Variants in MED1 observed in about 807,000 individuals in gnomAD.
MED1 encodes mediator complex subunit 1.
A neutral mutation model predicts 121.3 loss-of-function variants in MED1; 17 were observed. The ratio of observed to expected loss-of-function variants is 0.14; its 90% CI spans 0.10 to 0.21. MED1 has a LOEUF of 0.21. MED1 is among the 10% of genes least tolerant of loss of function. The pLI, the probability that MED1 is intolerant of heterozygous loss-of-function variation, is 1.00. For missense variants in MED1, 1,558 were observed against 1,919.4 expected (o/e 0.81, Z 3.52); for synonymous variants, 661 against 694.4 (o/e 0.95, Z 0.76).
intron 9 of MED1, among the ~76,000 whole-genome samples, chr17:39,429,548 T>A (rs1177225050): frequency 6.6e-6 from 1 of 150,852 alleles, no homozygotes; most frequent in African/African-American, 2.4e-5. Flanking sequence ...ATACAAAAAT[T>A]AGCTGGGCAC....
chr17:39,409,419 A>C lies in MED1; in HGVS notation c.2802T>G (p.Ile934Met), dbSNP rs375526544. 7 of 1,614,028 alleles carry C rather than the reference A, an allele frequency of 4.3e-6. No homozygotes were observed. The African/African-American group carries it at 9.3e-5, about 22-fold the overall frequency. The part of the protein sequence containing the change: ...NQADTVDFSI[I>M]SVAGKALAPA... ...GAGCTAAAGCTTTGCCGGCTACTGA[A>C]ATAATACTGAAATCAACTGTGTCGG... Residue 934 changes from isoleucine (I) to methionine (M), a missense_variant, in exon 17 of 17, where the codon ATT becomes ATG. This residue lies in a region of MED1 where 793 missense variants were observed against 898.2 expected (regional missense o/e 0.88). Coordinates refer to ENST00000300651, the MANE Select transcript of MED1 (RefSeq NM_004774.4).
intron 14 of MED1, among the ~76,000 whole-genome samples, chr17:39,416,479 T>C (rs941973325): frequency 2.6e-5 from 4 of 152,224 alleles, no homozygotes; most frequent in African/African-American, 9.6e-5. Flanking sequence ...AAGGATCATA[T>C]ACTTTCTTTG....
chr17:39,440,415 T>C lies in MED1; in HGVS notation c.370A>G (p.Lys124Glu), dbSNP rs749093177. The change falls in exon 5 of 17, where the codon AAA becomes GAA. Residue 124 changes from lysine (K) to glutamate (E), a missense_variant. Around this residue, in one of 5 missense-constraint regions of MED1, gnomAD observed 443 missense variants for 532.4 expected, o/e 0.83. Coordinates refer to ENST00000300651, the MANE Select transcript of MED1 (RefSeq NM_004774.4). The surrounding 1 kb of genome is among the most constrained non-coding windows in gnomAD (Gnocchi z 4.1). ...GGATTCTCCCCATGGTGAGCCACTT[T>C]TACATCACAAAGCTGTCCTGCAGGA... is the stretch of plus-strand genomic sequence containing the variant. ...LDPAGQLCDV[K>E]VAHHGENPVS... 1.3e-6 allele frequency: 2 copies of C among 1,575,772 alleles called. No homozygotes were observed. Among genetic ancestry groups the C allele is most frequent in the South Asian group, 1.2e-5 (1 of 83,824 alleles).
In MED1 at chr17:39,406,663, C is replaced by T; in HGVS notation, c.*812G>A. The T allele has an allele frequency of 1.0e-6, 1 of 984,802 alleles. No individual in the cohort carries two copies. The allele number at this position is 984,802 out of a possible 1,614,324, so 61.0% of individuals were successfully genotyped here. ...ATCTCTGAACCCTATTTAAACCCTC[C>T]TAAAATAAAAATATCATTTTGGTTT... On this transcript the variant is annotated 3_prime_UTR_variant, in exon 17 of 17. Transcript: ENST00000300651.
intron 6 of MED1, among the ~76,000 whole-genome samples, chr17:39,436,235 C>T (rs2048617360): frequency 6.6e-6 from 1 of 151,838 alleles, no homozygotes; most frequent in Admixed American, 6.6e-5. Flanking sequence ...GTGGCAGGTG[C>T]CTGTAGTCCC....
intron 2 of MED1, chr17:39,445,432 G>C (rs561710591): frequency 6.6e-6 from 1 of 151,900 alleles, no homozygotes; most frequent in Admixed American, 6.6e-5. Context: ...GCCTGGTCTC[G>C]AACTCCTGAC....
Position 39,410,276 on chromosome 17 carries a change from G to A in MED1, c.1945C>T (p.Leu649Phe), listed in dbSNP as rs1348295902. The A allele has an allele frequency of 6.2e-7, 1 of 1,614,002 alleles. No homozygotes were observed. Among genetic ancestry groups the A allele is most frequent in the South Asian group, 1.1e-5 (1 of 91,040 alleles). Reference protein sequence around the residue: ...TKNHPMLMNLLKDNPAQDFST... With the variant: ...TKNHPMLMNLFKDNPAQDFST... Reference sequence around the variant, plus strand: ...AAATCCTGGGCAGGATTATCTTTAAGAAGGTTCATGAGCATCGGGTGGTTC... The same window carrying A: ...AAATCCTGGGCAGGATTATCTTTAAAAAGGTTCATGAGCATCGGGTGGTTC... Residue 649 changes from leucine (L) to phenylalanine (F), a missense_variant, in exon 17 of 17, where the codon CTT (leucine) becomes TTT (phenylalanine). By Grantham distance (22) the Leu-to-Phe change is conservative. Transcript: ENST00000300651.
At position 39,420,940 on chromosome 17, in the gene MED1, C is replaced by T. The variant is rs570302811; in HGVS notation, c.1096-1022G>A. ...CCTCCCAAGTAGCTGGGACTACAGGCGCCCGCCACCACACCCAGCTAATTT... is the reference window on the plus strand; with the variant it reads ...CCTCCCAAGTAGCTGGGACTACAGGTGCCCGCCACCACACCCAGCTAATTT... On this transcript the variant is annotated intron_variant, in intron 13 of 16. Coordinates refer to ENST00000300651, the MANE Select transcript of MED1 (RefSeq NM_004774.4). Among the ~76,000 whole-genome samples the T allele has an allele frequency of 5.9e-5, 9 of 151,496 alleles. No homozygotes were observed. The South Asian group carries it at 6.3e-4, about 11-fold the overall frequency.
chr17:39,413,746 A>G (rs1446565552), intron 16 of MED1, among the ~76,000 whole-genome samples: 1 of 152,070 alleles, frequency 6.6e-6, no homozygotes, highest in Non-Finnish European at 1.5e-5. Context: ...AAATAAAAAA[A>G]TAAAAGAATA....
At chr17:39,420,002 C>A in intron 13 of MED1, 84 bp from the exon 14 acceptor site, 2 of 1,181,520 alleles carry the variant, frequency 1.7e-6, no homozygotes, top group Admixed American at 2.3e-5. Context: ...ACCTACTACT[C>A]AAAAAAGTGC....
In MED1 at chr17:39,442,999, T is replaced by A. The variant is rs868348003; in HGVS notation, c.211+551A>T. ...AAAAAAAACTTTTCCCAGGTATCTTTTTTTTTTTTTTTTTTTTTTTTGAGA... is the reference window on the plus strand; with the variant it reads ...AAAAAAAACTTTTCCCAGGTATCTTATTTTTTTTTTTTTTTTTTTTTGAGA... On this transcript the variant is annotated intron_variant, in intron 3 of 16. Transcript: ENST00000300651. 4.1e-3 allele frequency among the ~76,000 whole-genome samples: 573 copies of A among 140,682 alleles called. 7 individuals carry two copies. Among genetic ancestry groups the A allele is most frequent in the African/African-American group, 0.014 (539 of 37,866 alleles). 92.3% of individuals were successfully genotyped at this position (140,682 alleles called of 152,430 possible). A position where few individuals can be genotyped will look rare whatever the true frequency, so the allele number is the denominator to read the frequency against.
At chr17:39,419,627 T>C in intron 14 of MED1, 90 bp downstream of exon 14, 1 of 1,346,280 alleles carries the variant, frequency 7.4e-7, no homozygotes, top group Non-Finnish European at 1.0e-6. Context: ...TTTTAAGTTC[T>C]ACAGGTGATT....
chr17:39,421,913 G>A (rs535949882), intron 13 of MED1, among the ~76,000 whole-genome samples: 1 of 151,884 alleles, frequency 6.6e-6, no homozygotes, highest in South Asian at 2.1e-4. Flanking sequence ...CGGATCACGA[G>A]GTCAGGAGAT....
rs576715504 is a variant in MED1 at position 39,439,111 on chromosome 17, G to A, written c.428+54C>T. On this transcript the variant is annotated intron_variant, in intron 6 of 16. Coordinates refer to ENST00000300651, the MANE Select transcript of MED1 (RefSeq NM_004774.4). Reference sequence around the variant, plus strand: ...TTCTGACCAGTCTTAAAAGCCAGCTGTAAAGAACAGCACTGTCTGTCAATA... The same window carrying A: ...TTCTGACCAGTCTTAAAAGCCAGCTATAAAGAACAGCACTGTCTGTCAATA... The A allele has an allele frequency of 1.1e-4, 174 of 1,514,228 alleles. 2 individuals carry two copies. The South Asian group carries it at 1.9e-3, about 17-fold the overall frequency. The allele number at this position is 1,514,228 out of a possible 1,614,324, so 93.8% of individuals were successfully genotyped here.
chr17:39,405,594 C>T lies in MED1; in HGVS notation c.*1881G>A. 2.5e-6 allele frequency: 3 copies of T among 1,219,354 alleles called. No individual in the cohort carries two copies. The highest frequency in any genetic ancestry group is 3.1e-6 in the Non-Finnish European group (3 of 973,230). The allele number at this position is 1,219,354 out of a possible 1,614,324, so 75.5% of individuals were successfully genotyped here. ...ATCACAAGATAAAGCACTCTGGTAT[C>T]ACCTGCCCATATCCTCCTTAGTGTC... is the stretch of plus-strand genomic sequence containing the variant. On this transcript the variant is annotated 3_prime_UTR_variant, in exon 17 of 17. Coordinates refer to ENST00000300651, the MANE Select transcript of MED1 (RefSeq NM_004774.4).
intron 1 of MED1, among the ~76,000 whole-genome samples, chr17:39,450,447 G>C (rs1364801322): frequency 6.6e-6 from 1 of 152,204 alleles, no homozygotes; most frequent in African/African-American, 2.4e-5. Flanking sequence ...ACAGTTCACT[G>C]TATCAACAGA....
intron 7 of MED1, among the ~76,000 whole-genome samples, chr17:39,433,585 GCT>G (rs1288849486): frequency 1.6e-4 from 23 of 144,154 alleles, no homozygotes; most frequent in African/African-American, 5.3e-4. Context: ...ACAGCATCTC[GCT>G]CTGTCAACCA....
chr17:39,415,095 C>G lies in MED1; in HGVS notation c.1430G>C (p.Cys477Ser). 1 of 1,614,148 alleles carries G rather than the reference C, an allele frequency of 6.2e-7. No individual in the cohort carries two copies. ...ATCCGACAGCCCTTTGTAGAGTTTA[C>G]AGCTCACATGTGTTGAGTCCTGCAC... The part of the protein sequence containing the change: ...MDVQDSTHVS[C>S]KLYKGLSDAL... Residue 477 changes from cysteine to serine, a missense_variant, in exon 16 of 17, where the codon TGT becomes TCT. By Grantham distance (112) the Cys-to-Ser change is moderately radical. Transcript: ENST00000300651.
rs2048326187 is a variant in MED1, at chr17:39,408,598, G to A, written c.3623C>T (p.Pro1208Leu). The part of the protein sequence containing the change: ...PPGGSDKLAS[P>L]MKPVPGTPPS... ...AGGAGTTCCAGGAACAGGCTTCATT[G>A]GAGAGGCAAGCTTGTCAGAGCCTCC... is the stretch of plus-strand genomic sequence containing the variant. The change falls in exon 17 of 17, where the codon CCA becomes CTA. Residue 1208 changes from proline (P) to leucine (L), a missense_variant. Transcript: ENST00000300651. This position sits in a 1 kb window ranked among gnomAD's most constrained non-coding sequence, Gnocchi z 4.7. 3 of 1,614,182 alleles carry A rather than the reference G, an allele frequency of 1.9e-6. No homozygotes were observed. Among genetic ancestry groups the A allele is most frequent in the Non-Finnish European group, 2.5e-6 (3 of 1,180,036 alleles).
Sources: allele counts gnomAD v4.1 joint callset (sites outside exome capture counted in the v4.1 genomes callset), GRCh38; gene constraint gnomAD v4.1.1; regional missense constraint gnomAD v4.1.1; non-coding constraint Gnocchi (gnomAD v3.1); transcripts MANE v1.5; gene names NCBI Gene and HGNC (gene_info 2026-07-23, HGNC 2026-07-21).